PLXNA4: variants seen among roughly 807,000 people sequenced by gnomAD.
PLXNA4 encodes plexin-A4.
In PLXNA4, 44 loss-of-function variants were observed where a neutral mutation model predicts 191.8. The ratio of observed to expected loss-of-function variants is 0.23; its 90% CI spans 0.18 to 0.29. The LOEUF is 0.29. PLXNA4 is among the 10% of genes least tolerant of loss of function. The probability of loss-of-function intolerance (pLI) is 1.00; values close to 1 mark genes in which losing one functional copy is unlikely to be tolerated. For missense variants in PLXNA4, 1,800 were observed against 2,488.8 expected (o/e 0.72, Z 5.89); for synonymous variants, 1,082 against 1,009.5 (o/e 1.07, Z -1.36).
At chr7:132,253,196 T>G (rs750117513) in intron 4 of PLXNA4, among the ~76,000 whole-genome samples, 4 of 151,862 alleles carry the variant, frequency 2.6e-5, no homozygotes, top group Non-Finnish European at 4.4e-5. Flanking sequence ...CAGCTCAAAA[T>G]TTATTTTAGG....
At chr7:132,449,710 GCA>G (rs1191892589) in intron 3 of PLXNA4, among the ~76,000 whole-genome samples, 1 of 152,214 alleles carries the variant, frequency 6.6e-6, no homozygotes, top group Non-Finnish European at 1.5e-5. Context: ...CAGAGGCAAA[GCA>G]CCTTCAGTGC....
chr7:132,207,835 C>G (rs997600207), intron 10 of PLXNA4, among the ~76,000 whole-genome samples: 1 of 152,174 alleles, frequency 6.6e-6, no homozygotes, highest in Non-Finnish European at 1.5e-5. Flanking sequence ...AGACTGTACT[C>G]CCAGGAATAA....
rs181216374 is a variant in PLXNA4, at chr7:132,470,628, G to A, written c.1371+18664C>T. Among the ~76,000 whole-genome samples the A allele has an allele frequency of 4.0e-4, 61 of 152,268 alleles. No homozygotes were observed. In the Middle Eastern group the frequency reaches 0.01, roughly 25 times the overall value. ...AACCTTGAAAAAGAGAGATGAGCCT[G>A]GACTATCCAGGTAGGCACACTCATA... On this transcript the variant is annotated intron_variant, in intron 3 of 31. Coordinates refer to ENST00000321063, the MANE Select transcript of PLXNA4 (RefSeq NM_020911.2).
At chr7:132,308,215 C>G (rs746439359) in intron 3 of PLXNA4, among the ~76,000 whole-genome samples, 4 of 152,152 alleles carry the variant, frequency 2.6e-5, no homozygotes, top group African/African-American at 9.7e-5. Flanking sequence ...TATTTTGAAA[C>G]AGCTTCACTG....
intron 4 of PLXNA4, among the ~76,000 whole-genome samples, chr7:132,297,309 C>T (rs187007474): frequency 3.7e-4 from 57 of 152,248 alleles, no homozygotes; most frequent in Middle Eastern, 3.4e-3. Flanking sequence ...AGTGCTGCAC[C>T]TCACTTGGGG....
intron 3 of PLXNA4, among the ~76,000 whole-genome samples, chr7:132,390,282 C>T (rs1377606779): frequency 6.6e-6 from 1 of 152,084 alleles, no homozygotes; most frequent in Non-Finnish European, 1.5e-5. Flanking sequence ...ATGGATGATG[C>T]TGGAAACCAT....
chr7:132,600,559 C>A (rs976875701), intron 2 of PLXNA4, among the ~76,000 whole-genome samples: 1 of 152,016 alleles, frequency 6.6e-6, no homozygotes, highest in Non-Finnish European at 1.5e-5. Context: ...GAGACAAGAT[C>A]TTACCATGTT....
chr7:132,141,687 G>A (rs1451284889), intron 29 of PLXNA4, among the ~76,000 whole-genome samples: 1 of 152,132 alleles, frequency 6.6e-6, no homozygotes, highest in Non-Finnish European at 1.5e-5. Context: ...GGGGGCACTT[G>A]ATGGTGGGAG....
intron 3 of PLXNA4, among the ~76,000 whole-genome samples, chr7:132,312,068 C>T (rs1305816406): frequency 6.6e-6 from 1 of 151,642 alleles, no homozygotes; most frequent in Admixed American, 6.6e-5. Flanking sequence ...AGTTGAGGGG[C>T]CTAAAGACAT....
intron 3 of PLXNA4, among the ~76,000 whole-genome samples, chr7:132,451,971 T>A (rs2117306055): frequency 6.6e-6 from 1 of 152,344 alleles, no homozygotes; most frequent in Non-Finnish European, 1.5e-5. Context: ...GCTCAAAGTA[T>A]CAGACACCAA....
At chr7:132,432,746 A>G (rs1795313749) in intron 3 of PLXNA4, among the ~76,000 whole-genome samples, 1 of 152,192 alleles carries the variant, frequency 6.6e-6, no homozygotes, top group Non-Finnish European at 1.5e-5. Context: ...AGTGAAAAAA[A>G]TCTCATCTAA....
intron 4 of PLXNA4, among the ~76,000 whole-genome samples, chr7:132,292,807 G>A (rs576263888): frequency 1.3e-5 from 2 of 152,320 alleles, no homozygotes; most frequent in East Asian, 1.9e-4. Flanking sequence ...TTAATAGGAA[G>A]AAGTCAAGAT....
chr7:132,175,629 C>T (rs1331176005), intron 20 of PLXNA4, among the ~76,000 whole-genome samples: 1 of 152,158 alleles, frequency 6.6e-6, no homozygotes, highest in African/African-American at 2.4e-5. Context: ...GTGGCAAGAA[C>T]CCCCAGGAAA....
chr7:132,532,120 A>C (rs892326866), intron 1 of PLXNA4, among the ~76,000 whole-genome samples: 2 of 152,248 alleles, frequency 1.3e-5, no homozygotes, highest in African/African-American at 4.8e-5. Context: ...CCTTAAAGCC[A>C]ACACAGGTTG....
intron 2 of PLXNA4, among the ~76,000 whole-genome samples, chr7:132,618,043 G>C (rs1272006884): frequency 6.6e-6 from 1 of 152,086 alleles, no homozygotes; most frequent in African/African-American, 2.4e-5. Flanking sequence ...TCATCTTATG[G>C]GTGCAAACCA....
At chr7:132,164,034 T>C in intron 24 of PLXNA4, 108 bp downstream of exon 24, 1 of 1,516,292 alleles carries the variant, frequency 6.6e-7, no homozygotes, top group African/African-American at 1.4e-5. Flanking sequence ...CAGACACACC[T>C]GGAGAGGCAG....
intron 2 of PLXNA4, among the ~76,000 whole-genome samples, chr7:132,596,453 C>T (rs1426494): frequency 0.97 from 148,183 of 152,336 alleles, 72,157 homozygotes; most frequent in East Asian, 1. Flanking sequence ...ACAGTGCTGG[C>T]CCTTTCTGGA....
intron 6 of PLXNA4, among the ~76,000 whole-genome samples, chr7:132,227,873 G>C (rs558970570): frequency 1.3e-5 from 2 of 152,160 alleles, no homozygotes; most frequent in African/African-American, 2.4e-5. Context: ...AGGGATTTGC[G>C]TGGTGCCATT....
At chr7:132,316,697 C>A (rs941684926) in intron 3 of PLXNA4, among the ~76,000 whole-genome samples, 1 of 152,198 alleles carries the variant, frequency 6.6e-6, no homozygotes, top group Non-Finnish European at 1.5e-5. Flanking sequence ...TCTCCAAATT[C>A]ATGACACCAC....
Sources: gnomAD v4.1 joint callset for allele counts (sites outside exome capture counted in the v4.1 genomes callset) on GRCh38, gnomAD v4.1.1 for gene constraint, MANE v1.5 for transcripts, NCBI Gene and HGNC (gene_info 2026-07-23, HGNC 2026-07-21) for gene names.